FLNB: variants seen among roughly 807,000 people sequenced by gnomAD.
FLNB encodes filamin-B.
In FLNB, 111 loss-of-function variants were observed where a neutral mutation model predicts 250.6. The ratio of observed to expected loss-of-function variants is 0.44; its 90% CI spans 0.38 to 0.52. The LOEUF is 0.52. Ranked by LOEUF, FLNB falls within the 20% of genes least tolerant of loss-of-function variation. The pLI is 0.00. For synonymous variants in FLNB, 1,302 were observed against 1,372.1 expected, an observed-to-expected ratio of 0.95 and a Z score of 1.13; for missense variants, 2,869 against 3,447.8, an observed-to-expected ratio of 0.83 and a Z score of 4.20.
chr3:58,108,380 C>T, intron 12 of FLNB, 78 bp from the exon 13 acceptor site: 1 of 907,904 alleles, frequency 1.1e-6, no homozygotes, highest in South Asian at 1.4e-5. Flanking sequence ...TTCCCCCACC[C>T]CCTGGTTACC....
At position 58,036,033 on chromosome 3, in the gene FLNB, A is replaced by G. The variant is rs563752455; in HGVS notation, c.292+27177A>G. Among the ~76,000 whole-genome samples the G allele has an allele frequency of 4.9e-4, 75 of 152,298 alleles. No individual in the cohort carries two copies. The South Asian group carries it at 0.015, about 30-fold the overall frequency. On this transcript the variant is annotated intron_variant, in intron 1 of 45. Coordinates refer to ENST00000295956, the MANE Select transcript of FLNB (RefSeq NM_001457.4). ...TTAAACTCCTTAATTAATTGACTCAAGACTTAGGACAGATTTGCTTTTCTT... is the reference window on the plus strand; with the variant it reads ...TTAAACTCCTTAATTAATTGACTCAGGACTTAGGACAGATTTGCTTTTCTT...
In FLNB at chr3:58,130,820, C is replaced by A; in HGVS notation, c.4302C>A (p.Gly1434=). ...TTGCCGGCCCCGGGCTGGGCTCAGGCGTCCGAGCCCGTGTCCTGCAGTCCT... is the reference window on the plus strand; with the variant it reads ...TTGCCGGCCCCGGGCTGGGCTCAGGAGTCCGAGCCCGTGTCCTGCAGTCCT... ...VKIAGPGLGS[G]VRARVLQSFT... The change falls in exon 25 of 46, where the codon GGC becomes GGA. Residue 1434 remains glycine, a synonymous_variant. Transcript: ENST00000295956. The A allele has an allele frequency of 6.2e-7, 1 of 1,613,622 alleles. No individual in the cohort carries two copies. The highest frequency in any genetic ancestry group is 8.5e-7 in the Non-Finnish European group (1 of 1,179,872).
At chr3:58,087,262 G>A (rs1328546261) in intron 4 of FLNB, among the ~76,000 whole-genome samples, 1 of 152,112 alleles carries the variant, frequency 6.6e-6, no homozygotes, top group Admixed American at 6.5e-5. Flanking sequence ...GATATTGTGG[G>A]TACTTTGCAA....
chr3:58,152,910 A>T, intron 38 of FLNB: 2 of 331,442 alleles, frequency 6.0e-6, no homozygotes, highest in Non-Finnish European at 1.1e-5. Context: ...GTGACCCGAG[A>T]CATTGCTTTT....
At chr3:58,013,163 G>A (rs371445542) in intron 1 of FLNB, among the ~76,000 whole-genome samples, 47 of 152,338 alleles carry the variant, frequency 3.1e-4, no homozygotes, top group Middle Eastern at 6.8e-3. Flanking sequence ...CAGCCAGCTG[G>A]GAGGAAAAGG....
intron 1 of FLNB, among the ~76,000 whole-genome samples, chr3:58,026,296 C>T (rs1459963779): frequency 6.6e-6 from 1 of 152,074 alleles, no homozygotes; most frequent in Non-Finnish European, 1.5e-5. Context: ...GCTCCCATCC[C>T]CCAGGAGTCT....
chr3:58,169,909 C>T lies in FLNB; in HGVS notation c.7621+116C>T, dbSNP rs563810400. On this transcript the variant is annotated intron_variant, in intron 45 of 45. Coordinates refer to ENST00000295956, the MANE Select transcript of FLNB (RefSeq NM_001457.4). This position sits in a 1 kb window ranked among gnomAD's most constrained non-coding sequence, Gnocchi z 4.8. ...AGTGCCCACCCCCATGTAGGCCAGC[C>T]GTTTGCAAGTAACCATCGTCATGAC... 8.6e-6 allele frequency: 6 copies of T among 696,584 alleles called. No homozygotes were observed. The highest frequency in any genetic ancestry group is 4.1e-4 in the Middle Eastern group (1 of 2,424). 43.2% of individuals were successfully genotyped at this position (696,584 alleles called of 1,614,324 possible).
chr3:58,059,459 A>G (rs897642108), intron 1 of FLNB, among the ~76,000 whole-genome samples: 6 of 152,142 alleles, frequency 3.9e-5, no homozygotes, highest in African/African-American at 1.4e-4. Flanking sequence ...TCTGAGATGT[A>G]GACACTGCAG....
chr3:58,149,951 G>A lies in FLNB; in HGVS notation c.6193G>A (p.Val2065Met), dbSNP rs371167931. Residue 2065 changes from valine to methionine, a missense_variant, in exon 37 of 46, where the codon GTG becomes ATG. Physicochemically the swap from Val to Met is conservative, Grantham distance 21. Coordinates refer to ENST00000295956, the MANE Select transcript of FLNB (RefSeq NM_001457.4). The part of the protein sequence containing the change: ...GTCKVSYFPT[V>M]PGVYIVSTKF... ...CTGCAAAGTCTCCTACTTCCCTACC[G>A]TGCCTGGGGTTTATATCGTCTCCAC... 134 of 1,614,236 alleles carry A rather than the reference G, an allele frequency of 8.3e-5. No individual in the cohort carries two copies. The African/African-American group carries it at 1.2e-3, about 14-fold the overall frequency.
In FLNB at chr3:58,103,329, C is replaced by T. The variant is rs191524028; in HGVS notation, c.1484-630C>T. On this transcript the variant is annotated intron_variant, in intron 9 of 45. Coordinates refer to ENST00000295956, the MANE Select transcript of FLNB (RefSeq NM_001457.4). ...GCATGCCTCTGCGTATGTGTGCGTA[C>T]GTGTGTGTTTTCTCCTGACCTTGAA... Among the ~76,000 whole-genome samples the T allele has an allele frequency of 4.0e-5, 6 of 151,054 alleles. No individual in the cohort carries two copies. The East Asian group carries it at 7.8e-4, about 20-fold the overall frequency.
chr3:58,016,061 T>G (rs573144158), intron 1 of FLNB, among the ~76,000 whole-genome samples: 2 of 144,304 alleles, frequency 1.4e-5, no homozygotes, highest in Admixed American at 7.1e-5. Context: ...TGTTTGTTTG[T>G]TTTTTTTTTT....
At chr3:58,056,364 G>A (rs1258329914) in intron 1 of FLNB, among the ~76,000 whole-genome samples, 1 of 151,964 alleles carries the variant, frequency 6.6e-6, no homozygotes, top group African/African-American at 2.4e-5. Flanking sequence ...GGCTCCCAAA[G>A]TCCTGGGATT....
intron 4 of FLNB, among the ~76,000 whole-genome samples, chr3:58,084,156 C>T (rs901245989): frequency 6.7e-6 from 1 of 149,800 alleles, no homozygotes; most frequent in African/African-American, 2.5e-5. Flanking sequence ...CGCGCCACTG[C>T]ACTCCAGCCT....
intron 10 of FLNB, among the ~76,000 whole-genome samples, 162 bp from the exon 11 acceptor site, chr3:58,104,918 A>G (rs1390313930): frequency 6.6e-6 from 1 of 152,180 alleles, no homozygotes; most frequent in Non-Finnish European, 1.5e-5. Flanking sequence ...AACAGTAGCT[A>G]TGGGTGAGAG....
chr3:58,169,823 G>A lies in FLNB; in HGVS notation c.7621+30G>A. The A allele has an allele frequency of 7.0e-7, 1 of 1,436,454 alleles. No individual in the cohort carries two copies. Among genetic ancestry groups the A allele is most frequent in the Non-Finnish European group, 9.7e-7 (1 of 1,025,696 alleles). The allele number at this position is 1,436,454 out of a possible 1,614,324, so 89.0% of individuals were successfully genotyped here. A position where few individuals can be genotyped will look rare whatever the true frequency, so the allele number is the denominator to read the frequency against. On this transcript the variant is annotated intron_variant, in intron 45 of 45. Transcript: ENST00000295956. The surrounding 1 kb of genome is among the most constrained non-coding windows in gnomAD (Gnocchi z 4.8). ...GTGTCTGGGCCTTTTCAAGGGTGGG[G>A]TGGGGCAGGGGCAGGCTGGGCACCC...
At chr3:58,152,344 A>G (rs552101444) in intron 38 of FLNB, among the ~76,000 whole-genome samples, 89 of 152,302 alleles carry the variant, frequency 5.8e-4, no homozygotes, top group African/African-American at 2.0e-3. Flanking sequence ...CTAGGTGGCA[A>G]CCAACAGAAA....
Position 58,123,458 on chromosome 3 carries a change from G to A in FLNB, c.3492G>A (p.Gly1164=). The A allele has an allele frequency of 6.2e-7, 1 of 1,608,252 alleles. No homozygotes were observed. The highest frequency in any genetic ancestry group is 8.5e-7 in the Non-Finnish European group (1 of 1,175,936). ...TCGACTGCTCGGAAGCGGGACCGGG[G>A]GCCCTGGGCCTGGAAGCTGTCTCGG... ...LSVDCSEAGP[G]ALGLEAVSDS... The change falls in exon 21 of 46, where the codon GGG becomes GGA. Residue 1164 remains glycine (G), a synonymous_variant. Transcript: ENST00000295956.
chr3:58,081,545 C>G (rs1463340549), intron 3 of FLNB, 84 bp from the exon 4 acceptor site: 1 of 1,265,968 alleles, frequency 7.9e-7, no homozygotes, highest in East Asian at 2.3e-5. Context: ...ATTTGTAGTG[C>G]TTGGTTTAAG....
At chr3:58,113,057 A>G (rs1333305138) in intron 18 of FLNB, among the ~76,000 whole-genome samples, 2 of 152,208 alleles carry the variant, frequency 1.3e-5, no homozygotes, top group Non-Finnish European at 2.9e-5. Flanking sequence ...ATAACACAAA[A>G]TTTACCGTCT....
Sources: allele counts gnomAD v4.1 joint callset (sites outside exome capture counted in the v4.1 genomes callset), GRCh38; gene constraint gnomAD v4.1.1; non-coding constraint Gnocchi (gnomAD v3.1); transcripts MANE v1.5; gene names NCBI Gene and HGNC (gene_info 2026-07-23, HGNC 2026-07-21).